Variants in PCDH11X observed in about 807,000 individuals in gnomAD.
The protein encoded by PCDH11X is protocadherin 11 X-linked, also known as protocadherin-11 X-linked.
Under a neutral mutation model 53.3 loss-of-function variants are expected in PCDH11X, and 18 were observed. The observed-to-expected ratio is 0.34, with a 90% CI of 0.23 to 0.50. The LOEUF (loss-of-function observed/expected upper bound fraction) is 0.50, where lower values mean the gene tolerates loss of function less well. Among genes scored for constraint, PCDH11X ranks in the 20% least tolerant of loss-of-function variants. The probability of loss-of-function intolerance (pLI) is 0.98; values close to 1 mark genes in which losing one functional copy is unlikely to be tolerated. For missense variants in PCDH11X, 570 were observed against 1,032.4 expected (o/e 0.55, Z 6.14); for synonymous variants, 279 against 393.3 (o/e 0.71, Z 3.44).
At chrX:92,042,013 T>A (rs1393588483) in intron 6 of PCDH11X, among the ~76,000 whole-genome samples, 3 of 112,090 alleles carry the variant, frequency 2.7e-5, no homozygotes, top group Non-Finnish European at 3.8e-5. Flanking sequence ...GATGTTATAG[T>A]GAGACATGGG....
intron 8 of PCDH11X, among the ~76,000 whole-genome samples, chrX:92,293,382 TG>T (rs1248694452): frequency 1.8e-5 from 2 of 110,087 alleles, no homozygotes; most frequent in Admixed American, 1.9e-4. Flanking sequence ...CCCAGCACTT[TG>T]GGAGGCCAAG....
intron 8 of PCDH11X, among the ~76,000 whole-genome samples, chrX:92,320,188 A>T (rs1291075216): frequency 8.9e-6 from 1 of 111,742 alleles, no homozygotes; most frequent in Admixed American, 9.5e-5. Context: ...CAAATGGAGC[A>T]TGTGTCTGTG....
intron 9 of PCDH11X, among the ~76,000 whole-genome samples, chrX:92,403,296 C>T (rs72608309): frequency 0.14 from 13,848 of 98,569 alleles, 1,741 homozygotes; most frequent in East Asian, 0.73. Flanking sequence ...TCTGTTTATA[C>T]GTGTGTACTG....
intron 7 of PCDH11X, among the ~76,000 whole-genome samples, chrX:92,246,024 G>T (rs2067343621): frequency 9.0e-6 from 1 of 111,381 alleles, no homozygotes; most frequent in Admixed American, 9.6e-5. Flanking sequence ...AATTAACTTA[G>T]AGAACTTCAT....
intron 9 of PCDH11X, among the ~76,000 whole-genome samples, chrX:92,412,509 G>GTATATATATATA (rs748836273): frequency 4.7e-5 from 3 of 64,428 alleles, no homozygotes; most frequent in Non-Finnish European, 6.3e-5. Flanking sequence ...AAAGAAAATA[G>GTATATATATATA]TATATATATA....
At chrX:92,112,093 C>T (rs1018956322) in intron 6 of PCDH11X, among the ~76,000 whole-genome samples, 1 of 93,898 alleles carries the variant, frequency 1.1e-5, no homozygotes, top group East Asian at 3.5e-4. Flanking sequence ...CTGATTATCA[C>T]ACAACCAGGA....
chrX:92,160,847 A>AT (rs1169142502), intron 6 of PCDH11X, among the ~76,000 whole-genome samples: 3 of 109,258 alleles, frequency 2.7e-5, no homozygotes, highest in South Asian at 3.9e-4. Context: ...TTATTTTTTG[A>AT]TTTTTTAATT....
intron 10 of PCDH11X, among the ~76,000 whole-genome samples, chrX:92,521,715 T>C (rs1424118086): frequency 9.1e-6 from 1 of 109,839 alleles, no homozygotes; most frequent in African/African-American, 3.3e-5. Flanking sequence ...CTGCTTCATC[T>C]ACATTGAAAA....
intron 5 of PCDH11X, among the ~76,000 whole-genome samples, chrX:91,868,086 TAAC>T (rs35057253): frequency 3.6e-5 from 4 of 111,238 alleles, no homozygotes; most frequent in Non-Finnish European, 7.5e-5. Context: ...TGACCAAAAA[TAAC>T]AACAACAAAA....
At chrX:92,439,163 T>C (rs756421590) in intron 9 of PCDH11X, among the ~76,000 whole-genome samples, 219 of 110,669 alleles carry the variant, frequency 2.0e-3, no homozygotes, top group Middle Eastern at 4.6e-3. Flanking sequence ...TAATGGCATT[T>C]ATGTAATTAA....
At chrX:92,403,931 A>C in intron 9 of PCDH11X, among the ~76,000 whole-genome samples, 1 of 110,977 alleles carries the variant, frequency 9.0e-6, no homozygotes, top group East Asian at 2.9e-4. Context: ...TTACTATCTT[A>C]TCTTTAAGAA....
At chrX:91,940,769 C>T (rs1482728280) in intron 6 of PCDH11X, among the ~76,000 whole-genome samples, 2 of 104,831 alleles carry the variant, frequency 1.9e-5, no homozygotes, top group Non-Finnish European at 3.9e-5. Context: ...CTGAGCTCAA[C>T]TGATACTCTT....
At chrX:91,788,410 T>C in intron 1 of PCDH11X, among the ~76,000 whole-genome samples, 2 of 112,564 alleles carry the variant, frequency 1.8e-5, no homozygotes, top group East Asian at 5.6e-4. Context: ...ATTAAGTATT[T>C]TATTTTTTTT....
In PCDH11X at chrX:92,321,588, T is replaced by C. The variant is rs2069211207; in HGVS notation, c.3144+58445T>C. Among the ~76,000 whole-genome samples, 8 of 112,022 alleles carry C rather than the reference T, an allele frequency of 7.1e-5. No homozygotes were observed. In the Admixed American group the frequency reaches 7.6e-4, roughly 11 times the overall value. ...CCTTGTGGAAGGTTAAAACATAATT[T>C]ATTCTTTAAGTTTAAGAGTCTTAAT... On this transcript the variant is annotated intron_variant, in intron 8 of 10. Coordinates refer to ENST00000682573, the MANE Select transcript of PCDH11X (RefSeq NM_032968.5).
intron 8 of PCDH11X, among the ~76,000 whole-genome samples, chrX:92,310,192 C>A: frequency 8.9e-6 from 1 of 112,020 alleles, no homozygotes; most frequent in Non-Finnish European, 1.9e-5. Flanking sequence ...GTCCGGTATT[C>A]GCTCATGTTT....
At chrX:92,144,082 G>A (rs2065232443) in intron 6 of PCDH11X, among the ~76,000 whole-genome samples, 1 of 111,672 alleles carries the variant, frequency 9.0e-6, no homozygotes, top group South Asian at 3.7e-4. Context: ...TGGAACAGCT[G>A]TATTTACCCA....
chrX:91,917,596 A>AAAAT (rs1941612786), intron 6 of PCDH11X, among the ~76,000 whole-genome samples: 1 of 97,870 alleles, frequency 1.0e-5, no homozygotes, highest in African/African-American at 3.9e-5. Context: ...AAAAAAAAAA[A>AAAAT]TTCCTTAGGA....
chrX:92,566,815 A>T (rs894745345), intron 10 of PCDH11X, among the ~76,000 whole-genome samples: 1 of 111,255 alleles, frequency 9.0e-6, no homozygotes, highest in Non-Finnish European at 1.9e-5. Flanking sequence ...GAGTTGTTGC[A>T]CCCCACTGAT....
At chrX:92,384,881 C>G (rs1185638193) in intron 8 of PCDH11X, among the ~76,000 whole-genome samples, 1 of 98,165 alleles carries the variant, frequency 1.0e-5, no homozygotes, top group Non-Finnish European at 2.1e-5. Context: ...AATCTAGTCC[C>G]CAGGCAAGAA....
Sources: gnomAD v4.1 joint callset for allele counts (sites outside exome capture counted in the v4.1 genomes callset) on GRCh38, gnomAD v4.1.1 for gene constraint, MANE v1.5 for transcripts, NCBI Gene and HGNC (gene_info 2026-07-23, HGNC 2026-07-21) for gene names.